Variants in GSE1 observed in about 807,000 individuals in gnomAD.
The protein encoded by GSE1 is Gse1 coiled-coil protein, also known as genetic suppressor element 1.
Under a neutral mutation model 112.6 loss-of-function variants are expected in GSE1, and 32 were observed. The ratio of observed to expected loss-of-function variants is 0.28; its 90% CI spans 0.21 to 0.38. GSE1 has a LOEUF of 0.38. GSE1 is among the 10% of genes least tolerant of loss of function. The pLI, the probability that GSE1 is intolerant of heterozygous loss-of-function variation, is 1.00. For synonymous variants in GSE1, 1,115 were observed against 735.6 expected (o/e 1.52, Z -8.35); for missense variants, 2,348 against 1,699.2 (o/e 1.38, Z -6.71).
chr16:85,545,193 G>A (rs1396745941), intron 2 of GSE1, among the ~76,000 whole-genome samples: 7 of 152,228 alleles, frequency 4.6e-5, no homozygotes, highest in Non-Finnish European at 1.5e-5. Flanking sequence ...TATGTGGCCT[G>A]GGCAGTCCCC....
At chr16:85,275,648 C>G (rs147808832) in intron 1 of GSE1, among the ~76,000 whole-genome samples, 1 of 152,202 alleles carries the variant, frequency 6.6e-6, no homozygotes, top group African/African-American at 2.4e-5. Context: ...AGAGGTCGGT[C>G]CTAGACGTGG....
chr16:85,204,246 C>T (rs921619999), intron 1 of GSE1, among the ~76,000 whole-genome samples: 2 of 152,216 alleles, frequency 1.3e-5, no homozygotes, highest in African/African-American at 2.4e-5. Flanking sequence ...TTTAGCTTCT[C>T]TCACTTTGCA....
intron 2 of GSE1, among the ~76,000 whole-genome samples, chr16:85,520,979 C>G (rs2052164280): frequency 6.6e-6 from 1 of 152,158 alleles, no homozygotes; most frequent in Non-Finnish European, 1.5e-5. Context: ...ACCGGTCCAA[C>G]AGGTCTTTGC....
intron 1 of GSE1, among the ~76,000 whole-genome samples, chr16:85,208,915 A>G (rs114594395): frequency 0.013 from 1,679 of 128,624 alleles, 36 homozygotes; most frequent in African/African-American, 0.048. Flanking sequence ...GGGGTTTGCC[A>G]CGTGTCGGGG....
chr16:85,214,118 G>A (rs962820869), intron 1 of GSE1, among the ~76,000 whole-genome samples: 6 of 152,188 alleles, frequency 3.9e-5, no homozygotes, highest in African/African-American at 9.6e-5. Flanking sequence ...GATTGACATC[G>A]TACGAGTGTC....
At chr16:85,528,312 T>G (rs895540563) in intron 2 of GSE1, among the ~76,000 whole-genome samples, 16 of 151,636 alleles carry the variant, frequency 1.1e-4, no homozygotes, top group Admixed American at 7.9e-4. Context: ...CTGGGGTTGT[T>G]TTTGTTTGTT....
Position 85,339,448 on chromosome 16 carries a change from T to C in GSE1, c.2284-18015T>C, listed in dbSNP as rs1310912921. Among the ~76,000 whole-genome samples, 3 of 152,148 alleles carry C rather than the reference T, an allele frequency of 2.0e-5. No homozygotes were observed. In the East Asian group the frequency reaches 5.8e-4, roughly 29 times the overall value. ...TTGCTGCGCCCTTTCTAGAAGCTTC[T>C]GCCTTTTATTTCCTATGTTTCCTTT... On this transcript the variant is annotated intron_variant, in intron 1 of 2. Coordinates refer to the GSE1 transcript ENST00000637419.
At chr16:85,407,920 G>A (rs556893293) in intron 2 of GSE1, among the ~76,000 whole-genome samples, 663 of 40,460 alleles carry the variant, frequency 0.016, no homozygotes, top group Non-Finnish European at 0.016. Flanking sequence ...AATCCTCACC[G>A]TTACTCTCAG....
intron 1 of GSE1, among the ~76,000 whole-genome samples, chr16:85,233,650 GGGTGTGCGTGTGGATGGGT>G (rs553543912): frequency 6.6e-6 from 1 of 152,128 alleles, no homozygotes; most frequent in Non-Finnish European, 1.5e-5. Context: ...TGTGGATGGG[GGGTGTGCGTGTGGATGGGT>G]GGTGGAGGCA....
At chr16:85,229,681 T>C (rs1240550740) in intron 1 of GSE1, among the ~76,000 whole-genome samples, 1 of 152,204 alleles carries the variant, frequency 6.6e-6, no homozygotes, top group African/African-American at 2.4e-5. Flanking sequence ...CTTAACTGCT[T>C]CAAGAGACTG....
At chr16:85,366,199 G>A (rs747659428) in intron 2 of GSE1, among the ~76,000 whole-genome samples, 2 of 152,260 alleles carry the variant, frequency 1.3e-5, no homozygotes, top group African/African-American at 2.4e-5. Flanking sequence ...CTCCGCTGCC[G>A]AGTGCTTTGA....
At chr16:85,348,343 CCATT>C (rs2046786231) in intron 1 of GSE1, among the ~76,000 whole-genome samples, 1 of 152,008 alleles carries the variant, frequency 6.6e-6, no homozygotes, top group Non-Finnish European at 1.5e-5. Context: ...ATCCATCTGT[CCATT>C]CAGTCCATCA....
At chr16:85,577,821 C>T (rs1472372516) in intron 1 of GSE1, among the ~76,000 whole-genome samples, 1 of 152,234 alleles carries the variant, frequency 6.6e-6, no homozygotes, top group Non-Finnish European at 1.5e-5. Context: ...CCAGGTTTCC[C>T]CTTTTCCACT....
chr16:85,623,629 C>T (rs2048876932), intron 1 of GSE1, among the ~76,000 whole-genome samples: 2 of 152,200 alleles, frequency 1.3e-5, no homozygotes, highest in South Asian at 2.1e-4. Flanking sequence ...ATGTGAGGAC[C>T]CCGGTGCCTG....
rs2152043864 is a variant in GSE1, at chr16:85,674,991, G to A, written c.*2452G>A. 1 of 152,692 alleles carries A rather than the reference G, an allele frequency of 6.5e-6. No individual in the cohort carries two copies. Among genetic ancestry groups the A allele is most frequent in the Middle Eastern group, 3.4e-3 (1 of 294 alleles). 9.5% of individuals were successfully genotyped at this position (152,692 alleles called of 1,614,324 possible). ...ATAAACTAAGAAAAAGGTAAGAACTGTCTCAAAAACGAAAGCACACCACCC... is the reference window on the plus strand; with the variant it reads ...ATAAACTAAGAAAAAGGTAAGAACTATCTCAAAAACGAAAGCACACCACCC... On this transcript the variant is annotated 3_prime_UTR_variant, in exon 16 of 16. Coordinates refer to ENST00000253458, the MANE Select transcript of GSE1 (RefSeq NM_014615.5).
At chr16:85,291,475 T>TC (rs1175981354) in intron 1 of GSE1, among the ~76,000 whole-genome samples, 1 of 151,910 alleles carries the variant, frequency 6.6e-6, no homozygotes, top group African/African-American at 2.4e-5. Flanking sequence ...CCCAGCCTCC[T>TC]CCCCCGGCCC....
intron 2 of GSE1, among the ~76,000 whole-genome samples, chr16:85,404,277 A>C (rs1274854591): frequency 3.0e-5 from 2 of 65,624 alleles, no homozygotes; most frequent in Admixed American, 3.3e-4. Context: ...CCCCCAGATA[A>C]TTCTCACTGT....
intron 2 of GSE1, among the ~76,000 whole-genome samples, chr16:85,448,923 G>A (rs1597789225): frequency 2.0e-5 from 3 of 152,202 alleles, no homozygotes; most frequent in Non-Finnish European, 2.9e-5. Flanking sequence ...TCATCTCTAC[G>A]CGCAGCAATT....
chr16:85,563,010 C>G (rs1296450079), intron 1 of GSE1, among the ~76,000 whole-genome samples: 1 of 152,204 alleles, frequency 6.6e-6, no homozygotes, highest in East Asian at 1.9e-4. Context: ...CTTAGGGGAC[C>G]TCCTCAGCCA....
Sources: gnomAD v4.1 joint callset for allele counts (sites outside exome capture counted in the v4.1 genomes callset) on GRCh38, gnomAD v4.1.1 for gene constraint, MANE v1.5 for transcripts, NCBI Gene and HGNC (gene_info 2026-07-23, HGNC 2026-07-21) for gene names.